Variants in ZNF215 observed in about 807,000 individuals in gnomAD.
ZNF215 encodes zinc finger protein 215.
Under a neutral mutation model 27.2 loss-of-function variants are expected in ZNF215, and 24 were observed. The observed-to-expected ratio is 0.88, with a 90% CI of 0.64 to 1.24. The LOEUF is 1.24. ZNF215 is among the 50% of genes most tolerant of loss of function. ZNF215 has a pLI of 0.00. For synonymous variants in ZNF215, 210 were observed against 204.0 expected (o/e 1.03, Z -0.25); for missense variants, 675 against 605.7 (o/e 1.11, Z -1.20).
chr11:6,952,850 C>T (rs1328359295), intron 6 of ZNF215, among the ~76,000 whole-genome samples: 4 of 151,642 alleles, frequency 2.6e-5, no homozygotes, highest in Non-Finnish European at 4.4e-5. Flanking sequence ...TACAATTTGG[C>T]ATGATTTTGC....
At chr11:6,932,775 G>A in intron 3 of ZNF215, 103 bp downstream of exon 3, 9 of 1,107,920 alleles carry the variant, frequency 8.1e-6, no homozygotes, top group Non-Finnish European at 1.1e-5. Flanking sequence ...AGATCTTGAA[G>A]GACTTTATAT....
downstream of ZNF215, among the ~76,000 whole-genome samples, chr11:6,959,008 T>C (rs1850460538): frequency 1.3e-5 from 2 of 152,138 alleles, no homozygotes; most frequent in Non-Finnish European, 2.9e-5. Flanking sequence ...AATGTTAATC[T>C]CCTTTGGCAA....
chr11:6,965,104 T>G (rs779082802), intron 5 of ZNF215, among the ~76,000 whole-genome samples: 1 of 152,112 alleles, frequency 6.6e-6, no homozygotes, highest in Non-Finnish European at 1.5e-5. Context: ...CATATTAATG[T>G]GAGTAAACAG....
At chr11:6,942,777 T>C (rs1306043007) in intron 4 of ZNF215, among the ~76,000 whole-genome samples, 1 of 152,198 alleles carries the variant, frequency 6.6e-6, no homozygotes, top group Admixed American at 6.5e-5. Flanking sequence ...GGCATAGTAA[T>C]TTTTTGTTCT....
At chr11:6,966,294 A>G (rs1346771389) in intron 5 of ZNF215, among the ~76,000 whole-genome samples, 1 of 152,078 alleles carries the variant, frequency 6.6e-6, no homozygotes, top group African/African-American at 2.4e-5. Context: ...ACATGTGCAC[A>G]AAGTAGAGAA....
At chr11:6,934,784 T>C (rs988892129) in intron 3 of ZNF215, among the ~76,000 whole-genome samples, 20 of 152,036 alleles carry the variant, frequency 1.3e-4, no homozygotes, top group Non-Finnish European at 2.9e-4. Context: ...ATCTGCAGAG[T>C]CTCTCTTGCT....
chr11:6,942,823 A>G (rs1240627733), intron 4 of ZNF215, among the ~76,000 whole-genome samples: 3 of 152,148 alleles, frequency 2.0e-5, no homozygotes, highest in Non-Finnish European at 4.4e-5. Flanking sequence ...CCCCTCAACC[A>G]TGTATTGTAA....
chr11:6,928,630 G>C (rs1045772443), intron 2 of ZNF215, among the ~76,000 whole-genome samples: 1 of 151,798 alleles, frequency 6.6e-6, no homozygotes, highest in Non-Finnish European at 1.5e-5. Context: ...ATTTTTACCC[G>C]GTACATTTAT....
rs532980278 is a variant in ZNF215 at position 6,934,617 on chromosome 11, A to G, written c.400+1945A>G. On this transcript the variant is annotated intron_variant, in intron 3 of 6. Transcript: ENST00000278319. ...CACACTGCCACATCTCTAATACTTT[A>G]TTCTGTTGTCATAGCTCTTGCTCAC... Among the ~76,000 whole-genome samples, 44 of 152,274 alleles carry G rather than the reference A, an allele frequency of 2.9e-4. 1 individual carries two copies. Among genetic ancestry groups the G allele is most frequent in the African/African-American group, 9.9e-4 (41 of 41,562 alleles).
intron 5 of ZNF215, among the ~76,000 whole-genome samples, chr11:6,967,187 C>T (rs952473836): frequency 7.2e-5 from 11 of 152,192 alleles, no homozygotes; most frequent in Non-Finnish European, 7.3e-5. Context: ...ATATATGCCA[C>T]ATTTTCTTTA....
At chr11:6,966,455 G>A (rs966534543) in intron 5 of ZNF215, among the ~76,000 whole-genome samples, 1 of 150,870 alleles carries the variant, frequency 6.6e-6, no homozygotes, top group Non-Finnish European at 1.5e-5. Flanking sequence ...TAACAAACCT[G>A]TACATATCCC....
At chr11:6,966,335 GGGTGGT>G (rs1850617288) in intron 5 of ZNF215, among the ~76,000 whole-genome samples, 3 of 152,036 alleles carry the variant, frequency 2.0e-5, no homozygotes, top group Non-Finnish European at 2.9e-5. Context: ...TGAGGGTGGA[GGGTGGT>G]ATGAGGATGA....
intron 3 of ZNF215, among the ~76,000 whole-genome samples, chr11:6,936,723 T>C (rs1849448057): frequency 6.6e-6 from 1 of 151,948 alleles, no homozygotes; most frequent in Admixed American, 6.5e-5. Flanking sequence ...AAGAGGACTA[T>C]ACAAAATGAC....
At chr11:6,990,742 A>G (rs1053764567), downstream of ZNF215, among the ~76,000 whole-genome samples, 2 of 152,232 alleles carry the variant, frequency 1.3e-5, no homozygotes, top group Admixed American at 1.3e-4. Context: ...CAGATCCCCA[A>G]AACACACACA....
At chr11:6,947,142 T>C (rs1357504990) in intron 6 of ZNF215, among the ~76,000 whole-genome samples, 1 of 152,230 alleles carries the variant, frequency 6.6e-6, no homozygotes, top group Non-Finnish European at 1.5e-5. Context: ...TTTTCCATCT[T>C]AAAACTAGGA....
chr11:6,931,495 G>C (rs779102481), intron 2 of ZNF215, among the ~76,000 whole-genome samples: 10 of 152,202 alleles, frequency 6.6e-5, no homozygotes, highest in South Asian at 2.1e-4. Context: ...TAAATGTTCA[G>C]TTGCGCCTAA....
At chr11:6,962,764 G>A (rs1439691497), downstream of ZNF215, among the ~76,000 whole-genome samples, 3 of 152,048 alleles carry the variant, frequency 2.0e-5, no homozygotes, top group Non-Finnish European at 4.4e-5. Context: ...CTGGAAAATG[G>A]ACAGTAATTT....
chr11:6,974,107 A>T (rs924252990), intron 5 of ZNF215, among the ~76,000 whole-genome samples: 2 of 152,108 alleles, frequency 1.3e-5, no homozygotes, highest in Non-Finnish European at 2.9e-5. Context: ...TCAGCTTTCT[A>T]CATATGGCTA....
At chr11:6,947,748 T>A (rs1367932259) in intron 6 of ZNF215, among the ~76,000 whole-genome samples, 2 of 152,208 alleles carry the variant, frequency 1.3e-5, no homozygotes, top group South Asian at 4.1e-4. Context: ...AATCATTGTA[T>A]TCTCAAATTT....
Sources: allele counts gnomAD v4.1 joint callset (sites outside exome capture counted in the v4.1 genomes callset), GRCh38; gene constraint gnomAD v4.1.1; transcripts MANE v1.5; gene names NCBI Gene and HGNC (gene_info 2026-07-23, HGNC 2026-07-21).